The following CHL1 variants were observed in gnomAD, a reference collection of about 807,000 sequenced individuals.
CHL1 encodes neural cell adhesion molecule L1-like protein.
CHL1 carries 96 observed loss-of-function variants against 141.9 expected under a neutral mutation model. The ratio of observed to expected loss-of-function variants is 0.68; its 90% confidence interval spans 0.57 to 0.80. The LOEUF (loss-of-function observed/expected upper bound fraction) is 0.80, where lower values mean the gene tolerates loss of function less well. Among genes scored for constraint, CHL1 ranks in the 30% least tolerant of loss-of-function variants. The pLI is 0.00. For missense variants in CHL1, 1,820 were observed against 1,457.2 expected, an observed-to-expected ratio of 1.25 and a Z score of -4.05; for synonymous variants, 613 against 502.2, an observed-to-expected ratio of 1.22 and a Z score of -2.95.
chr3:365,756 A>T (rs1187767808), intron 14 of CHL1, among the ~76,000 whole-genome samples, 194 bp from the exon 15 acceptor site: 2 of 152,182 alleles, frequency 1.3e-5, no homozygotes, highest in Non-Finnish European at 2.9e-5. Flanking sequence ...TTTCCACTTA[A>T]ATTTTGTCAG....
intron 2 of CHL1, among the ~76,000 whole-genome samples, chr3:266,119 C>A (rs4684348): frequency 6.6e-6 from 1 of 151,966 alleles, no homozygotes; most frequent in Non-Finnish European, 1.5e-5. Flanking sequence ...AGCATGTATA[C>A]CAGGAGAAGG....
intron 15 of CHL1, among the ~76,000 whole-genome samples, chr3:366,684 CAAAA>C (rs1167579521): frequency 2.3e-4 from 20 of 86,540 alleles, no homozygotes; most frequent in Non-Finnish European, 4.7e-4. Flanking sequence ...TGGATGGTTG[CAAAA>C]AAAAAAAAAA....
chr3:254,804 C>A lies in CHL1; in HGVS notation c.-95+10112C>A, dbSNP rs555764594. ...TCCTGCATGAAGCCTCTTCTAAGGC[C>A]TTTCTGAGGGCCTTAATCCCATTCA... On this transcript the variant is annotated intron_variant, in intron 2 of 27. Transcript: ENST00000256509. Among the ~76,000 whole-genome samples, 14 of 152,248 alleles carry A rather than the reference C, an allele frequency of 9.2e-5. 1 individual carries two copies. The East Asian group carries it at 1.5e-3, about 17-fold the overall frequency.
At chr3:277,029 G>T (rs1281252848) in intron 2 of CHL1, among the ~76,000 whole-genome samples, 2 of 151,862 alleles carry the variant, frequency 1.3e-5, no homozygotes, top group Admixed American at 1.3e-4. Context: ...CTGAAAATTG[G>T]AGATAATGAT....
At chr3:312,565 T>C (rs1162812955) in intron 2 of CHL1, among the ~76,000 whole-genome samples, 2 of 152,190 alleles carry the variant, frequency 1.3e-5, no homozygotes, top group African/African-American at 2.4e-5. Context: ...ACTTCAGGCT[T>C]ATGGAAATTT....
chr3:299,414 T>G (rs1698510842), intron 2 of CHL1, among the ~76,000 whole-genome samples: 1 of 152,176 alleles, frequency 6.6e-6, no homozygotes, highest in Non-Finnish European at 1.5e-5. Context: ...ATTCTTACCA[T>G]TGGTTCCCTT....
At chr3:298,691 G>C (rs1366570391) in intron 2 of CHL1, among the ~76,000 whole-genome samples, 1 of 152,104 alleles carries the variant, frequency 6.6e-6, no homozygotes, top group Non-Finnish European at 1.5e-5. Flanking sequence ...ATTTGACTGG[G>C]CTACCTTGTT....
At chr3:339,991 A>G (rs1300191161) in intron 5 of CHL1, among the ~76,000 whole-genome samples, 4 of 152,208 alleles carry the variant, frequency 2.6e-5, no homozygotes, top group Admixed American at 6.5e-5. Flanking sequence ...AAAGATATCA[A>G]TGTAATGCTC....
intron 9 of CHL1, among the ~76,000 whole-genome samples, chr3:346,983 T>C (rs557183697): frequency 3.1e-4 from 47 of 152,284 alleles, no homozygotes; most frequent in Non-Finnish European, 6.3e-4. Flanking sequence ...ACATGAGATA[T>C]AATTTATCTC....
At chr3:222,983 C>T (rs1354925464) in intron 1 of CHL1, among the ~76,000 whole-genome samples, 1 of 152,112 alleles carries the variant, frequency 6.6e-6, no homozygotes, top group Non-Finnish European at 1.5e-5. Flanking sequence ...GATTCTGACC[C>T]TCCAGCTTCT....
intron 1 of CHL1, among the ~76,000 whole-genome samples, chr3:231,839 A>G (rs550979926): frequency 2.0e-5 from 3 of 152,196 alleles, no homozygotes; most frequent in African/African-American, 7.2e-5. Flanking sequence ...GGCCTCTCAA[A>G]GTGCTGGGAT....
intron 23 of CHL1, among the ~76,000 whole-genome samples, chr3:392,419 G>A (rs940721082): frequency 6.6e-6 from 1 of 152,234 alleles, no homozygotes; most frequent in African/African-American, 2.4e-5. Flanking sequence ...TTTGGATCAT[G>A]ACTCAGAATG....
intron 2 of CHL1, among the ~76,000 whole-genome samples, chr3:256,214 A>T (rs1484837534): frequency 4.0e-5 from 6 of 151,582 alleles, no homozygotes; most frequent in Non-Finnish European, 8.8e-5. Flanking sequence ...AATGAAATTT[A>T]AAAATATAGT....
At chr3:348,979 G>T (rs1380771600) in intron 9 of CHL1, among the ~76,000 whole-genome samples, 1 of 152,222 alleles carries the variant, frequency 6.6e-6, no homozygotes, top group Non-Finnish European at 1.5e-5. Flanking sequence ...ATCACTGGCT[G>T]CCCCAAACCA....
chr3:378,978 G>A (rs192314466), intron 16 of CHL1, among the ~76,000 whole-genome samples: 101 of 152,090 alleles, frequency 6.6e-4, no homozygotes, highest in Non-Finnish European at 1.1e-3. Context: ...GTTCTGTTTC[G>A]GTGGCCACCA....
At chr3:350,246 A>G (rs915231681) in intron 10 of CHL1, among the ~76,000 whole-genome samples, 1 of 152,220 alleles carries the variant, frequency 6.6e-6, no homozygotes, top group East Asian at 1.9e-4. Context: ...TATAGGAATA[A>G]GTAGGCAAAG....
chr3:305,975 G>GTA (rs1699194068), intron 2 of CHL1, among the ~76,000 whole-genome samples: 1 of 152,130 alleles, frequency 6.6e-6, no homozygotes, highest in Non-Finnish European at 1.5e-5. Flanking sequence ...GTGTATTTAA[G>GTA]TAAACTGCAC....
chr3:298,949 G>A (rs1214848032), intron 2 of CHL1, among the ~76,000 whole-genome samples: 3 of 152,118 alleles, frequency 2.0e-5, no homozygotes, highest in Non-Finnish European at 4.4e-5. Context: ...TATTTTTTAC[G>A]ATAGTATTAA....
intron 15 of CHL1, 105 bp downstream of exon 15, chr3:366,220 C>CAA: frequency 8.9e-7 from 1 of 1,121,822 alleles, no homozygotes; most frequent in Non-Finnish European, 1.3e-6. Flanking sequence ...CTTGTAATCC[C>CAA]AGCACTTTGG....
Sources: gnomAD v4.1 joint callset for allele counts (sites outside exome capture counted in the v4.1 genomes callset) on GRCh38, gnomAD v4.1.1 for gene constraint, MANE v1.5 for transcripts, NCBI Gene and HGNC (gene_info 2026-07-23, HGNC 2026-07-21) for gene names.